TMEM131: variants seen among roughly 807,000 people sequenced by gnomAD.
The protein encoded by TMEM131 is 2610524E03Rik.
Under a neutral mutation model 211.6 loss-of-function variants are expected in TMEM131, and 66 were observed. The observed-to-expected ratio is 0.31, with a 90% confidence interval of 0.26 to 0.38. The LOEUF is 0.38. TMEM131 is among the 10% of genes least tolerant of loss of function. The pLI, the probability that TMEM131 is intolerant of heterozygous loss-of-function variation, is 1.00. For missense variants in TMEM131, 2,036 were observed against 2,299.3 expected (o/e 0.89, Z 2.34); for synonymous variants, 844 against 841.3 (o/e 1.00, Z -0.06).
intron 2 of TMEM131, among the ~76,000 whole-genome samples, chr2:97,909,587 T>C (rs1405831348): frequency 6.6e-6 from 1 of 152,202 alleles, no homozygotes; most frequent in East Asian, 1.9e-4. Flanking sequence ...AGTGAACTTA[T>C]CCCAAAAGGT....
chr2:97,943,331 G>T (rs1677888790), intron 1 of TMEM131, among the ~76,000 whole-genome samples: 1 of 152,118 alleles, frequency 6.6e-6, no homozygotes, highest in Admixed American at 6.5e-5. Flanking sequence ...TTCATACCCT[G>T]ATACATAAAT....
At chr2:97,793,188 G>A in intron 30 of TMEM131, 1 of 645,638 alleles carries the variant, frequency 1.5e-6, no homozygotes, top group Non-Finnish European at 2.6e-6. Flanking sequence ...CTAACTAAAA[G>A]TATTTTAACC....
chr2:97,885,646 T>TTTCTGC (rs1214365274), intron 4 of TMEM131, among the ~76,000 whole-genome samples: 9 of 152,160 alleles, frequency 5.9e-5, no homozygotes, highest in Admixed American at 5.9e-4. Context: ...AAATCTGCTG[T>TTTCTGC]TAGTTTAATG....
chr2:97,829,181 G>T (rs543065354), intron 11 of TMEM131, among the ~76,000 whole-genome samples: 9 of 152,298 alleles, frequency 5.9e-5, no homozygotes, highest in Admixed American at 5.9e-4. Flanking sequence ...GATTGAGAGG[G>T]GAAGCCAGCT....
At chr2:97,915,124 T>A (rs541209903) in intron 2 of TMEM131, among the ~76,000 whole-genome samples, 1 of 152,376 alleles carries the variant, frequency 6.6e-6, no homozygotes, top group African/African-American at 2.4e-5. Context: ...ATGTCGTTTT[T>A]ACCATCTGTA....
In TMEM131 at chr2:97,795,135, G is replaced by C; in HGVS notation, c.3201-20C>G. 6.3e-7 allele frequency: 1 copy of C among 1,580,670 alleles called. No homozygotes were observed. On this transcript the variant is annotated intron_variant, in intron 28 of 40. Transcript: ENST00000186436. ...GTAAACCTAAAACAGAATGATGGTA[G>C]TAAGGCTAAGTTTTAAAAATATCTC...
At chr2:97,923,702 T>A (rs939308887) in intron 2 of TMEM131, among the ~76,000 whole-genome samples, 1 of 151,326 alleles carries the variant, frequency 6.6e-6, no homozygotes, top group Non-Finnish European at 1.5e-5. Context: ...TAGAGCTTGC[T>A]TTCCAAAATT....
chr2:97,811,722 ACT>A (rs1348272170), intron 17 of TMEM131, among the ~76,000 whole-genome samples: 4 of 152,130 alleles, frequency 2.6e-5, no homozygotes, highest in Non-Finnish European at 4.4e-5. Context: ...GTTTGTCAAC[ACT>A]CTCTGTGTAT....
intron 1 of TMEM131, among the ~76,000 whole-genome samples, chr2:97,960,553 G>C (rs1678771509): frequency 6.6e-6 from 1 of 151,954 alleles, no homozygotes; most frequent in South Asian, 2.1e-4. Flanking sequence ...TCATTTTGCA[G>C]TTTTCCTGTC....
At chr2:97,818,513 G>A in intron 12 of TMEM131, 100 bp downstream of exon 12, 1 of 550,060 alleles carries the variant, frequency 1.8e-6, no homozygotes, top group Non-Finnish European at 3.2e-6. Flanking sequence ...AATTCTGATG[G>A]TAAAACAGTT....
chr2:97,883,413 T>C (rs1265119078), intron 4 of TMEM131, among the ~76,000 whole-genome samples: 1 of 152,202 alleles, frequency 6.6e-6, no homozygotes, highest in African/African-American at 2.4e-5. Flanking sequence ...TTCACACTTC[T>C]TCCACAAATC....
intron 2 of TMEM131, among the ~76,000 whole-genome samples, chr2:97,924,276 T>C (rs1200112605): frequency 6.6e-6 from 1 of 152,046 alleles, no homozygotes; most frequent in Admixed American, 6.5e-5. Flanking sequence ...CCAGCTACTC[T>C]GGAGTCTGAG....
chr2:97,767,943 T>G (rs1002966915), intron 33 of TMEM131, among the ~76,000 whole-genome samples: 4 of 152,202 alleles, frequency 2.6e-5, no homozygotes, highest in African/African-American at 9.6e-5. Context: ...TTTCCCGATC[T>G]AACGGCACCA....
chr2:97,842,833 A>G (rs1407978975), intron 6 of TMEM131, among the ~76,000 whole-genome samples: 1 of 152,190 alleles, frequency 6.6e-6, no homozygotes, highest in Non-Finnish European at 1.5e-5. Flanking sequence ...TTTTTATGAT[A>G]GTCTTTTCAT....
rs557363029 is a variant in TMEM131, at chr2:97,802,666, T to C, written c.2527A>G (p.Thr843Ala). ...PRHLKFPLTNTNCSSEEEITL... is the reference protein window; with the variant it reads ...PRHLKFPLTNANCSSEEEITL... ...TGAATACTTACTGAGGAGCAGTTTG[T>C]ATTAGTAAGTGGAAATTTCAAGTGC... Residue 843 changes from threonine to alanine, a missense_variant, in exon 23 of 41, where the codon ACA becomes GCA. By Grantham distance (58) the Thr-to-Ala change is moderately conservative (BLOSUM62 0). This residue lies in a region of TMEM131 where 1,623 missense variants were observed against 1,805.9 expected (regional missense o/e 0.90). Coordinates refer to ENST00000186436, the MANE Select transcript of TMEM131 (RefSeq NM_015348.2). The C allele has an allele frequency of 4.3e-6, 7 of 1,612,364 alleles. No homozygotes were observed. The highest frequency in any genetic ancestry group is 1.7e-5 in the Admixed American group (1 of 59,784).
intron 2 of TMEM131, among the ~76,000 whole-genome samples, chr2:97,910,436 T>C (rs1480333667): frequency 6.6e-6 from 1 of 152,122 alleles, no homozygotes; most frequent in African/African-American, 2.4e-5. Flanking sequence ...GAACCCACAT[T>C]CACAGCAGTA....
intron 6 of TMEM131, among the ~76,000 whole-genome samples, chr2:97,843,438 C>T (rs1266775409): frequency 1.3e-5 from 2 of 152,130 alleles, no homozygotes; most frequent in African/African-American, 4.8e-5. Context: ...TGGGCTCAAG[C>T]GATCCTCCCA....
chr2:97,920,579 A>C (rs1203209129), intron 2 of TMEM131, among the ~76,000 whole-genome samples: 1 of 152,246 alleles, frequency 6.6e-6, no homozygotes, highest in Non-Finnish European at 1.5e-5. Context: ...ATCAATAAGT[A>C]ATTTAGCAAG....
chr2:97,887,750 A>C (rs1176358186), intron 4 of TMEM131: 1 of 252,986 alleles, frequency 4.0e-6, no homozygotes, highest in African/African-American at 2.2e-5. Flanking sequence ...TAGTAAAAAT[A>C]AAAATGAAGT....
Sources: allele counts gnomAD v4.1 joint callset (sites outside exome capture counted in the v4.1 genomes callset), GRCh38; gene constraint gnomAD v4.1.1; regional missense constraint gnomAD v4.1.1; transcripts MANE v1.5; gene names NCBI Gene and HGNC (gene_info 2026-07-23, HGNC 2026-07-21).